The following ARAP3 variants were observed in gnomAD, a reference collection of about 807,000 sequenced individuals.
The protein encoded by ARAP3 is arf-GAP with Rho-GAP domain, ANK repeat and PH domain-containing protein 3.
In ARAP3, 82 loss-of-function variants were observed where a neutral mutation model predicts 169.2. That is an observed-to-expected ratio of 0.48 (90% CI 0.41 to 0.58). ARAP3 has a LOEUF of 0.58. Ranked by LOEUF, ARAP3 falls within the 20% of genes least tolerant of loss-of-function variation. The probability of loss-of-function intolerance (pLI) is 0.00; values close to 1 mark genes in which losing one functional copy is unlikely to be tolerated. For missense variants in ARAP3, 1,764 were observed against 2,018.0 expected (o/e 0.87, Z 2.41); for synonymous variants, 791 against 800.3 (o/e 0.99, Z 0.20).
intron 21 of ARAP3, among the ~76,000 whole-genome samples, chr5:141,660,560 A>C (rs2099909815): frequency 6.6e-6 from 1 of 151,752 alleles, no homozygotes; most frequent in East Asian, 1.9e-4. Flanking sequence ...ACAAAACTTT[A>C]TTTACAAACA....
chr5:141,658,674 G>T (rs1449224294), intron 23 of ARAP3, 21 bp from the exon 24 acceptor site: 1 of 1,568,688 alleles, frequency 6.4e-7, no homozygotes, highest in African/African-American at 1.4e-5. Flanking sequence ...GGGTAAAAAA[G>T]TCAGAAGGGC....
chr5:141,655,864 C>T lies in ARAP3; in HGVS notation c.3972+5G>A, dbSNP rs190130343. ...CCCAGCCCTCAGCCTTTTCTTTCCC[C>T]TCACCTGGGCTTTAAGGATGCTGGT... On this transcript the variant is annotated splice_donor_5th_base_variant and intron_variant, in intron 30 of 32. Transcript: ENST00000239440. 195 of 1,614,056 alleles carry T rather than the reference C, an allele frequency of 1.2e-4. No individual in the cohort carries two copies. The African/African-American group carries it at 2.5e-3, about 21-fold the overall frequency.
intron 16 of ARAP3, among the ~76,000 whole-genome samples, chr5:141,668,877 G>A (rs1309994263): frequency 1.3e-5 from 2 of 152,198 alleles, no homozygotes; most frequent in Non-Finnish European, 2.9e-5. Context: ...GTAGCTGCAA[G>A]GGGTCAAAGG....
At chr5:141,658,243 T>G in intron 25 of ARAP3, 122 bp downstream of exon 25, 1 of 928,914 alleles carries the variant, frequency 1.1e-6, no homozygotes, top group Non-Finnish European at 1.7e-6. Flanking sequence ...CATGGATGAG[T>G]GGATGAGTCA....
Position 141,671,295 on chromosome 5 carries a change from CA to C in ARAP3, c.1959del (p.Asp654MetfsTer87). On this transcript the variant is annotated frameshift_variant, in exon 13 of 33. Coordinates refer to ENST00000239440, the MANE Select transcript of ARAP3 (RefSeq NM_022481.6). LOFTEE classifies it high-confidence loss of function. This position sits in a 1 kb window ranked among gnomAD's most constrained non-coding sequence, Gnocchi z 4.9. The part of the protein sequence containing the change: ...EGEEPWFPPA[P>X]DGSCPGLLPS... ...GGCAAGAGGCCAGGGCAGCTGCCATCAGGGGCTGGGGGGAACCAGGGCTCCT... is the reference window on the plus strand; with the variant it reads ...GGCAAGAGGCCAGGGCAGCTGCCATCGGGGCTGGGGGGAACCAGGGCTCCT... 6.2e-7 allele frequency: 1 copy of C among 1,612,748 alleles called. No individual in the cohort carries two copies. The highest frequency in any genetic ancestry group is 8.5e-7 in the Non-Finnish European group (1 of 1,179,380).
intron 4 of ARAP3, 32 bp from the exon 5 acceptor site, chr5:141,673,840 A>G: frequency 1.1e-5 from 18 of 1,608,698 alleles, no homozygotes; most frequent in Non-Finnish European, 1.5e-5. Flanking sequence ...AGGGACACAC[A>G]TTAGACAAGT....
Position 141,669,771 on chromosome 5 carries a change from T to TCCTCC in ARAP3, c.2285_2289dup (p.Ile764GlyfsTer28). 1 of 1,613,778 alleles carries TCCTCC rather than the reference T, an allele frequency of 6.2e-7. No homozygotes were observed. Among genetic ancestry groups the TCCTCC allele is most frequent in the Non-Finnish European group, 8.5e-7 (1 of 1,179,944 alleles). ...GCTCCATCTGTGCCAAAATGCTGGA[T>TCCTCC]CCTCCCCCCAGCGAGGATGAGCTCA... On this transcript the variant is annotated frameshift_variant, in exon 16 of 33. Transcript: ENST00000239440. LOFTEE classifies it high-confidence loss of function.
intron 4 of ARAP3, among the ~76,000 whole-genome samples, chr5:141,675,834 C>T (rs1028607050): frequency 1.3e-5 from 2 of 152,184 alleles, no homozygotes; most frequent in African/African-American, 4.8e-5. Context: ...AGAACCCCCA[C>T]AGACTCCCAG....
chr5:141,665,613 G>A (rs1238585814), intron 17 of ARAP3, among the ~76,000 whole-genome samples: 2 of 152,036 alleles, frequency 1.3e-5, no homozygotes, highest in Non-Finnish European at 2.9e-5. Context: ...CACAAACCCA[G>A]GTCTCTTGTT....
chr5:141,663,981 T>C (rs558546507), intron 19 of ARAP3, among the ~76,000 whole-genome samples: 21 of 152,370 alleles, frequency 1.4e-4, no homozygotes, highest in African/African-American at 4.6e-4. Context: ...ATAAATGATC[T>C]AGGGATCTGC....
chr5:141,656,399 A>C, intron 27 of ARAP3, 105 bp downstream of exon 27: 5 of 1,587,006 alleles, frequency 3.2e-6, no homozygotes, highest in Non-Finnish European at 3.4e-6. Flanking sequence ...GCAGGGAAGC[A>C]ATGAGATTGA....
intron 4 of ARAP3, among the ~76,000 whole-genome samples, chr5:141,675,094 T>C (rs1048709482): frequency 9.2e-5 from 14 of 152,068 alleles, no homozygotes; most frequent in African/African-American, 3.4e-4. Context: ...TATAGCCACA[T>C]TCTCCTCCAT....
intron 21 of ARAP3, among the ~76,000 whole-genome samples, chr5:141,660,165 G>GCT (rs1301518846): frequency 3.3e-5 from 5 of 152,282 alleles, no homozygotes; most frequent in African/African-American, 1.2e-4. Flanking sequence ...CTAACTCTCA[G>GCT]CTCTGTTGCT....
At chr5:141,655,259 C>CACAG in intron 32 of ARAP3, 103 bp downstream of exon 32, 1 of 1,190,778 alleles carries the variant, frequency 8.4e-7, no homozygotes, top group South Asian at 1.4e-5. Flanking sequence ...CACACACACA[C>CACAG]CCCCTGATGG....
chr5:141,661,895 G>A (rs1213184248), intron 20 of ARAP3, 106 bp from the exon 21 acceptor site: 6 of 1,473,330 alleles, frequency 4.1e-6, no homozygotes, highest in Non-Finnish European at 5.7e-6. Flanking sequence ...ATGTGTCTCT[G>A]CCCCCTTCCC....
At position 141,672,354 on chromosome 5, in the gene ARAP3, C is replaced by A. The variant is rs1389903910; in HGVS notation, c.1386-53G>T. Reference sequence around the variant, plus strand: ...CATGGACCTACCTGCCATGTCCCATCCCCCTGGCTCTTCCTGCAGGAGCCA... The same window carrying A: ...CATGGACCTACCTGCCATGTCCCATACCCCTGGCTCTTCCTGCAGGAGCCA... On this transcript the variant is annotated intron_variant, in intron 9 of 32. Coordinates refer to ENST00000239440, the MANE Select transcript of ARAP3 (RefSeq NM_022481.6). This position sits in a 1 kb window ranked among gnomAD's most constrained non-coding sequence, Gnocchi z 4.9. 2.5e-6 allele frequency: 4 copies of A among 1,600,348 alleles called. No individual in the cohort carries two copies. Among genetic ancestry groups the A allele is most frequent in the South Asian group, 1.1e-5 (1 of 90,368 alleles).
At position 141,655,213 on chromosome 5, in the gene ARAP3, A is replaced by ACACACACC. The variant is rs1192021216; in HGVS notation, c.4149+148_4149+149insGGTGTGTG. On this transcript the variant is annotated intron_variant, in intron 32 of 32. Transcript: ENST00000239440. Reference sequence around the variant, plus strand: ...CACACACACACACACACACACACACACCCTGATGGCCTACACACACACACA... The same window carrying ACACACACC: ...CACACACACACACACACACACACACACACACACCCCCTGATGGCCTACACACACACACA... 16 of 593,420 alleles carry ACACACACC rather than the reference A, an allele frequency of 2.7e-5. 1 individual carries two copies. The highest frequency in any genetic ancestry group is 5.1e-5 in the African/African-American group (2 of 39,180). The allele number at this position is 593,420 out of a possible 1,614,324, so 36.8% of individuals were successfully genotyped here.
At chr5:141,659,242 A>T (rs2099909626) in intron 23 of ARAP3, among the ~76,000 whole-genome samples, 166 bp downstream of exon 23, 1 of 151,492 alleles carries the variant, frequency 6.6e-6, no homozygotes, top group South Asian at 2.1e-4. Context: ...ACCAAACCCC[A>T]CTCCCCAAAG....
At position 141,659,473 on chromosome 5, in the gene ARAP3, C is replaced by T. The variant is rs201916487; in HGVS notation, c.3271G>A (p.Asp1091Asn). 362 of 1,614,032 alleles carry T rather than the reference C, an allele frequency of 2.2e-4. No homozygotes were observed. Among genetic ancestry groups the T allele is most frequent in the Admixed American group, 3.5e-4 (21 of 60,000 alleles). ...IDGYISVFDI[D>N]SDQVAQIDLE... ...TCAATCTGAGCTACCTGGTCAGAAT[C>T]GATCTGTGAAAGAGCCAAAAGAGAG... Residue 1091 changes from aspartate to asparagine, a missense_variant, in exon 23 of 33, where the codon GAT becomes AAT. Physicochemically the swap from Asp to Asn is conservative, Grantham distance 23 (BLOSUM62 1). Coordinates refer to ENST00000239440, the MANE Select transcript of ARAP3 (RefSeq NM_022481.6).
Sources: allele counts gnomAD v4.1 joint callset (sites outside exome capture counted in the v4.1 genomes callset), GRCh38; gene constraint gnomAD v4.1.1; non-coding constraint Gnocchi (gnomAD v3.1); transcripts MANE v1.5; gene names NCBI Gene and HGNC (gene_info 2026-07-23, HGNC 2026-07-21).